ITSN1: variants seen among roughly 807,000 people sequenced by gnomAD.
ITSN1 encodes intersectin-1.
In ITSN1, 58 loss-of-function variants were observed where a neutral mutation model predicts 239.8. The observed-to-expected ratio is 0.24, with a 90% confidence interval of 0.20 to 0.30. The LOEUF (loss-of-function observed/expected upper bound fraction) is 0.30, where lower values mean the gene tolerates loss of function less well. ITSN1 is among the 10% of genes least tolerant of loss of function. ITSN1 has a pLI of 1.00. For synonymous variants in ITSN1, 780 were observed against 770.8 expected (o/e 1.01, Z -0.20); for missense variants, 1,558 against 2,103.3 (o/e 0.74, Z 5.07).
At chr21:33,826,782 T>G (rs758927567) in intron 25 of ITSN1, 36 bp from the exon 26 acceptor site, 2 of 1,602,096 alleles carry the variant, frequency 1.2e-6, no homozygotes, top group Non-Finnish European at 1.7e-6. Flanking sequence ...GATCAAAACT[T>G]CAGCATGCAA....
intron 25 of ITSN1, 84 bp from the exon 26 acceptor site, chr21:33,826,734 C>A: frequency 1.6e-6 from 2 of 1,229,856 alleles, no homozygotes; most frequent in Non-Finnish European, 2.4e-6. Context: ...GGGGCTCAAG[C>A]GGGTTTGTAT....
rs76518045 is a variant in ITSN1 at position 33,797,212 on chromosome 21, C to T, written c.1953-167C>T. Among the ~76,000 whole-genome samples, 2,655 of 152,242 alleles carry T rather than the reference C, an allele frequency of 0.017. 79 individuals carry two copies. Among genetic ancestry groups the T allele is most frequent in the African/African-American group, 0.059 (2,463 of 41,538 alleles). On this transcript the variant is annotated intron_variant, in intron 17 of 39. Coordinates refer to ENST00000381318, the MANE Select transcript of ITSN1 (RefSeq NM_003024.3). This position sits in a 1 kb window ranked among gnomAD's most constrained non-coding sequence, Gnocchi z 4.9. ...TGTGTTTTCCTAAATCATGTGATTT[C>T]TTCTCATTCAGAACTGGAGCCCTGA...
chr21:33,715,252 A>G (rs2147010469), intron 1 of ITSN1, among the ~76,000 whole-genome samples: 1 of 72,430 alleles, frequency 1.4e-5, no homozygotes, highest in South Asian at 6.3e-4. Flanking sequence ...TTATTTCCAG[A>G]AAATATAGGT....
intron 1 of ITSN1, among the ~76,000 whole-genome samples, chr21:33,672,494 A>G: frequency 6.6e-6 from 1 of 152,206 alleles, no homozygotes. Flanking sequence ...TGGCCAGGAT[A>G]TGAAGAAAAG....
intron 30 of ITSN1, 101 bp downstream of exon 30, chr21:33,856,958 A>G: frequency 8.6e-7 from 1 of 1,167,164 alleles, no homozygotes; most frequent in African/African-American, 1.5e-5. Flanking sequence ...TGAGCCCAAG[A>G]AACTTTCTGA....
At chr21:33,837,489 C>G (rs1410079659) in intron 29 of ITSN1, 9 of 985,722 alleles carry the variant, frequency 9.1e-6, no homozygotes, top group Non-Finnish European at 1.1e-5. Flanking sequence ...TTCATTTTGT[C>G]CAGTGTTACC....
intron 11 of ITSN1, among the ~76,000 whole-genome samples, chr21:33,768,176 T>C (rs1263259890): frequency 6.6e-6 from 1 of 152,194 alleles, no homozygotes; most frequent in Non-Finnish European, 1.5e-5. Context: ...AGTGCAGAAA[T>C]AGAAAATCAA....
At chr21:33,826,002 A>G (rs2073952147) in intron 25 of ITSN1, among the ~76,000 whole-genome samples, 1 of 152,244 alleles carries the variant, frequency 6.6e-6, no homozygotes, top group South Asian at 2.1e-4. Context: ...GATAGACTCA[A>G]GCATAAATTA....
intron 1 of ITSN1, among the ~76,000 whole-genome samples, chr21:33,689,921 T>C (rs2091427514): frequency 6.7e-6 from 1 of 149,182 alleles, no homozygotes; most frequent in Non-Finnish European, 1.5e-5. Flanking sequence ...TGAGCTGAGA[T>C]TGCACCACTG....
At chr21:33,703,515 A>G (rs2146848425) in intron 1 of ITSN1, among the ~76,000 whole-genome samples, 1 of 152,324 alleles carries the variant, frequency 6.6e-6, no homozygotes, top group Admixed American at 6.5e-5. Flanking sequence ...GTACCTAAAT[A>G]AGGAGTGTTT....
chr21:33,829,598 C>A (rs2074174320), intron 26 of ITSN1, 26 bp from the exon 27 acceptor site: 1 of 1,611,380 alleles, frequency 6.2e-7, no homozygotes, highest in Non-Finnish European at 8.5e-7. Flanking sequence ...TAACAGTGCA[C>A]TGCCGTGTTT....
chr21:33,759,344 G>A (rs903803523), intron 8 of ITSN1, among the ~76,000 whole-genome samples: 2 of 152,184 alleles, frequency 1.3e-5, no homozygotes, highest in African/African-American at 4.8e-5. Context: ...AAGTAGTTTT[G>A]TTAATGTCAC....
At chr21:33,885,375 C>A (rs1985615673) in intron 37 of ITSN1, 64 bp from the exon 38 acceptor site, 2 of 1,427,424 alleles carry the variant, frequency 1.4e-6, no homozygotes, top group South Asian at 1.1e-5. Context: ...TTGTGAGGCT[C>A]ACAGAGATGG....
intron 10 of ITSN1, 97 bp downstream of exon 10, chr21:33,766,109 G>A: frequency 1.5e-6 from 2 of 1,316,380 alleles, no homozygotes; most frequent in Non-Finnish European, 2.1e-6. Flanking sequence ...TTTCATCCCT[G>A]ACAAGGAAAC....
intron 1 of ITSN1, among the ~76,000 whole-genome samples, chr21:33,694,112 C>T (rs1034204419): frequency 3.3e-5 from 5 of 152,348 alleles, no homozygotes; most frequent in African/African-American, 1.2e-4. Context: ...TTCCTGGGCT[C>T]AAGCGATCCT....
In ITSN1 at chr21:33,782,145, A is replaced by G. The variant is rs763150730; in HGVS notation, c.1824+12A>G. On this transcript the variant is annotated intron_variant, in intron 16 of 39. Coordinates refer to ENST00000381318, the MANE Select transcript of ITSN1 (RefSeq NM_003024.3). The stretch of plus-strand genomic sequence containing the variant: ...ATAATCAGCTGAAGGTAACTCTTCT[A>G]TGTGTGCCTGCATGTGTGTCCTACC... 8 of 1,612,568 alleles carry G rather than the reference A, an allele frequency of 5.0e-6. No homozygotes were observed. Among genetic ancestry groups the G allele is most frequent in the Middle Eastern group, 1.6e-4 (1 of 6,062 alleles).
intron 35 of ITSN1, among the ~76,000 whole-genome samples, chr21:33,883,045 G>A (rs7281396): frequency 6.0e-4 from 91 of 152,230 alleles, no homozygotes; most frequent in African/African-American, 2.0e-3. Flanking sequence ...TTTCTCTGAG[G>A]CAGCAGTTAG....
chr21:33,842,936 C>T (rs77495198), intron 29 of ITSN1, among the ~76,000 whole-genome samples: 4,225 of 152,138 alleles, frequency 0.028, 198 homozygotes, highest in African/African-American at 0.097. Context: ...GCTGTCCTGT[C>T]CCCTTCTGAT....
At position 33,774,556 on chromosome 21, in the gene ITSN1, C is replaced by T. The variant is rs2069445198; in HGVS notation, c.1306-173C>T. 3 of 580,952 alleles carry T rather than the reference C, an allele frequency of 5.2e-6. No individual in the cohort carries two copies. In the South Asian group the frequency reaches 7.6e-5, roughly 15 times the overall value. 36.0% of individuals were successfully genotyped at this position (580,952 alleles called of 1,614,324 possible). A position where few individuals can be genotyped will look rare whatever the true frequency, so the allele number is the denominator to read the frequency against. On this transcript the variant is annotated intron_variant, in intron 12 of 39. Coordinates refer to ENST00000381318, the MANE Select transcript of ITSN1 (RefSeq NM_003024.3). Reference sequence around the variant, plus strand: ...CCAGTTCTGTGTATTCCCTTTATTCCCATAGAAGGAATACTGTATTTTTAT... The same window carrying T: ...CCAGTTCTGTGTATTCCCTTTATTCTCATAGAAGGAATACTGTATTTTTAT...
Sources: allele counts gnomAD v4.1 joint callset (sites outside exome capture counted in the v4.1 genomes callset), GRCh38; gene constraint gnomAD v4.1.1; non-coding constraint Gnocchi (gnomAD v3.1); transcripts MANE v1.5; gene names NCBI Gene and HGNC (gene_info 2026-07-23, HGNC 2026-07-21).